The following DERA variants were observed in gnomAD, a reference collection of about 807,000 sequenced individuals.
DERA encodes the protein 2-deoxy-D-ribose 5-phosphate aldolase.
In DERA, 15 loss-of-function variants were observed where a neutral mutation model predicts 41.1. The ratio of observed to expected loss-of-function variants is 0.37; its 90% CI spans 0.24 to 0.56. The LOEUF is 0.56. DERA is among the 20% of genes least tolerant of loss of function. The pLI is 0.81. For synonymous variants in DERA, 139 were observed against 137.4 expected, an observed-to-expected ratio of 1.01 and a Z score of -0.08; for missense variants, 396 against 403.4, an observed-to-expected ratio of 0.98 and a Z score of 0.16.
chr12:15,969,329 G>C lies in DERA; in HGVS notation c.508+6382G>C, dbSNP rs532832921. 3.9e-5 allele frequency among the ~76,000 whole-genome samples: 6 copies of C among 152,230 alleles called. No individual in the cohort carries two copies. In the South Asian group the frequency reaches 1.0e-3, roughly 26 times the overall value. On this transcript the variant is annotated intron_variant, in intron 5 of 8. Transcript: ENST00000428559. ...TACCTAATATATTTACCAGTGACAG[G>C]GAAATGCTATCAGATTGCACCTTGT...
intron 1 of DERA, among the ~76,000 whole-genome samples, chr12:15,951,097 AC>A (rs1948494418): frequency 2.0e-5 from 3 of 152,200 alleles, no homozygotes; most frequent in African/African-American, 7.2e-5. Flanking sequence ...GGTCCTGTGT[AC>A]CTTGAGCATG....
chr12:15,994,476 C>T lies in DERA; in HGVS notation c.637+12040C>T, dbSNP rs543871362. On this transcript the variant is annotated intron_variant, in intron 6 of 8. Coordinates refer to ENST00000428559, the MANE Select transcript of DERA (RefSeq NM_015954.4). This position sits in a 1 kb window ranked among gnomAD's most constrained non-coding sequence, Gnocchi z 4.8. Reference sequence around the variant, plus strand: ...TATTAGAAAATTCTTTTTTTTGAGACGGAGTCTCGTTCTGTCGCCCAGGCT... The same window carrying T: ...TATTAGAAAATTCTTTTTTTTGAGATGGAGTCTCGTTCTGTCGCCCAGGCT... 8.5e-5 allele frequency among the ~76,000 whole-genome samples: 13 copies of T among 152,120 alleles called. No individual in the cohort carries two copies. The highest frequency in any genetic ancestry group is 3.9e-4 in the East Asian group (2 of 5,192).
chr12:15,932,661 A>G (rs1441388885), intron 1 of DERA, among the ~76,000 whole-genome samples: 3 of 152,166 alleles, frequency 2.0e-5, no homozygotes, highest in Non-Finnish European at 4.4e-5. Flanking sequence ...AAGTTTCACT[A>G]TAATTTAAAA....
Position 16,019,747 on chromosome 12 carries a change from G to A in DERA, c.638-12795G>A, listed in dbSNP as rs1029858680. Among the ~76,000 whole-genome samples the A allele has an allele frequency of 5.9e-5, 9 of 152,114 alleles. No homozygotes were observed. The highest frequency in any genetic ancestry group is 2.2e-4 in the African/African-American group (9 of 41,420). ...GCCTTCCCGTATTATTCTAGCTAAA[G>A]TTATTTCTCTGATCCTTTGTAATTC... is the stretch of plus-strand genomic sequence containing the variant. On this transcript the variant is annotated intron_variant, in intron 6 of 8. Transcript: ENST00000428559. The surrounding 1 kb of genome is among the most constrained non-coding windows in gnomAD (Gnocchi z 4.4).
Position 15,967,177 on chromosome 12 carries a change from C to G in DERA, c.508+4230C>G, listed in dbSNP as rs1251432181. 6.6e-6 allele frequency among the ~76,000 whole-genome samples: 1 copy of G among 151,932 alleles called. No individual in the cohort carries two copies. The highest frequency in any genetic ancestry group is 2.4e-5 in the African/African-American group (1 of 41,334). On this transcript the variant is annotated intron_variant, in intron 5 of 8. Transcript: ENST00000428559. The surrounding 1 kb of genome is among the most constrained non-coding windows in gnomAD (Gnocchi z 4.9). ...CCAGTCTGGGCAACATGGCAAAACC[C>G]CATCTCTGCATAAAAAAAAAAAAAT...
At position 16,019,390 on chromosome 12, in the gene DERA, T is replaced by A. The variant is rs1400870888; in HGVS notation, c.638-13152T>A. Among the ~76,000 whole-genome samples, 1 of 152,194 alleles carries A rather than the reference T, an allele frequency of 6.6e-6. No individual in the cohort carries two copies. Among genetic ancestry groups the A allele is most frequent in the Non-Finnish European group, 1.5e-5 (1 of 68,020 alleles). On this transcript the variant is annotated intron_variant, in intron 6 of 8. Coordinates refer to ENST00000428559, the MANE Select transcript of DERA (RefSeq NM_015954.4). The surrounding 1 kb of genome is among the most constrained non-coding windows in gnomAD (Gnocchi z 4.4). Reference sequence around the variant, plus strand: ...CAATACAGACACTAAATTTAGCATCTTAAAACACTGATTTCATGTGATCAG... The same window carrying A: ...CAATACAGACACTAAATTTAGCATCATAAAACACTGATTTCATGTGATCAG...
chr12:15,934,940 T>A (rs1265931333), intron 1 of DERA, among the ~76,000 whole-genome samples: 1 of 152,154 alleles, frequency 6.6e-6, no homozygotes, highest in Non-Finnish European at 1.5e-5. Context: ...GGTTTAAACA[T>A]ATTAAAACAA....
At chr12:15,952,745 A>T (rs1948508008) in intron 1 of DERA, among the ~76,000 whole-genome samples, 1 of 152,218 alleles carries the variant, frequency 6.6e-6, no homozygotes, top group African/African-American at 2.4e-5. Context: ...GGGCTCAGGT[A>T]GGCACAAGTG....
intron 5 of DERA, among the ~76,000 whole-genome samples, chr12:15,969,208 T>C (rs1310137216): frequency 6.6e-6 from 1 of 152,252 alleles, no homozygotes; most frequent in African/African-American, 2.4e-5. Context: ...TAAATCTTAT[T>C]GAGCAGGTTT....
intron 6 of DERA, among the ~76,000 whole-genome samples, chr12:16,024,938 A>G (rs911816721): frequency 3.9e-5 from 6 of 152,146 alleles, no homozygotes; most frequent in African/African-American, 7.2e-5. Context: ...GACACAGGAG[A>G]AAAGAATTGG....
intron 5 of DERA, among the ~76,000 whole-genome samples, chr12:15,980,503 C>A (rs1286154349): frequency 6.6e-6 from 1 of 152,158 alleles, no homozygotes; most frequent in East Asian, 1.9e-4. Flanking sequence ...AAATGTCATT[C>A]CATCCAATTC....
rs1192002206 is a variant in DERA, at chr12:15,959,424, T to G, written c.278-405T>G. ...GTGGTACCACCCTCTAAATTGTACT[T>G]ATATTTGTCTTCATCTGTCCTTCTT... is the stretch of plus-strand genomic sequence containing the variant. On this transcript the variant is annotated intron_variant, in intron 3 of 8. Transcript: ENST00000428559. This position sits in a 1 kb window ranked among gnomAD's most constrained non-coding sequence, Gnocchi z 4.5. Among the ~76,000 whole-genome samples, 1 of 152,242 alleles carries G rather than the reference T, an allele frequency of 6.6e-6. No homozygotes were observed. The highest frequency in any genetic ancestry group is 1.5e-5 in the Non-Finnish European group (1 of 68,032).
At chr12:15,963,483 G>A (rs1008309565) in intron 5 of DERA, among the ~76,000 whole-genome samples, 6 of 152,052 alleles carry the variant, frequency 3.9e-5, no homozygotes, top group Admixed American at 1.3e-4. Flanking sequence ...TCACTATCAC[G>A]TCAGCATACA....
intron 1 of DERA, among the ~76,000 whole-genome samples, chr12:15,925,474 T>C (rs1271367786): frequency 1.3e-5 from 2 of 152,170 alleles, no homozygotes; most frequent in African/African-American, 4.8e-5. Flanking sequence ...GCAGCTTTAC[T>C]CTTTTAAGTG....
intron 1 of DERA, among the ~76,000 whole-genome samples, chr12:15,944,895 T>A (rs918878132): frequency 6.6e-6 from 1 of 152,232 alleles, no homozygotes; most frequent in Non-Finnish European, 1.5e-5. Context: ...CCATCTTGAA[T>A]TAATTTTTGT....
Position 16,026,160 on chromosome 12 carries a change from C to CA in DERA, c.638-6379dup, listed in dbSNP as rs1949051568. Among the ~76,000 whole-genome samples, 1 of 150,606 alleles carries CA rather than the reference C, an allele frequency of 6.6e-6. No homozygotes were observed. Among genetic ancestry groups the CA allele is most frequent in the Admixed American group, 6.6e-5 (1 of 15,174 alleles). On this transcript the variant is annotated intron_variant, in intron 6 of 8. Transcript: ENST00000428559. The surrounding 1 kb of genome is among the most constrained non-coding windows in gnomAD (Gnocchi z 4.4). Reference sequence around the variant, plus strand: ...AAAGAAGAGCAATTTAAGCCTAAAGCAAACAGGAGGAATAGAAATGAGAAC... The same window carrying CA: ...AAAGAAGAGCAATTTAAGCCTAAAGCAAAACAGGAGGAATAGAAATGAGAAC...
Position 15,959,744 on chromosome 12 carries a change from G to A in DERA, c.278-85G>A. On this transcript the variant is annotated intron_variant, in intron 3 of 8. Coordinates refer to ENST00000428559, the MANE Select transcript of DERA (RefSeq NM_015954.4). The surrounding 1 kb of genome is among the most constrained non-coding windows in gnomAD (Gnocchi z 4.5). ...TTTTTTTCTCATTTGATTTTTGCCA[G>A]TGTTGCGATATAAATAATAATTAAA... The A allele has an allele frequency of 1.2e-6, 1 of 860,074 alleles. No individual in the cohort carries two copies. Among genetic ancestry groups the A allele is most frequent in the South Asian group, 1.9e-5 (1 of 51,448 alleles). The allele number at this position is 860,074 out of a possible 1,614,324, so 53.3% of individuals were successfully genotyped here.
chr12:15,960,611 T>G (rs970269155), intron 4 of DERA, among the ~76,000 whole-genome samples: 2 of 117,290 alleles, frequency 1.7e-5, no homozygotes, highest in Non-Finnish European at 3.2e-5. Context: ...CACTCCAGCT[T>G]GGGTGATAGA....
In DERA at chr12:16,014,699, G is replaced by A. The variant is rs1200558556; in HGVS notation, c.638-17843G>A. 2.6e-5 allele frequency among the ~76,000 whole-genome samples: 4 copies of A among 152,226 alleles called. No homozygotes were observed. Among genetic ancestry groups the A allele is most frequent in the Non-Finnish European group, 5.9e-5 (4 of 68,040 alleles). ...GGGGCACTGCCTAGTGGAGCTGTGA[G>A]AAGAGGGCAACCGTCCTCCAGACCC... is the stretch of plus-strand genomic sequence containing the variant. On this transcript the variant is annotated intron_variant, in intron 6 of 8. Transcript: ENST00000428559. This position sits in a 1 kb window ranked among gnomAD's most constrained non-coding sequence, Gnocchi z 5.4.
Sources: gnomAD v4.1 joint callset for allele counts (sites outside exome capture counted in the v4.1 genomes callset) on GRCh38, gnomAD v4.1.1 for gene constraint, Gnocchi (gnomAD v3.1) non-coding constraint, MANE v1.5 for transcripts, NCBI Gene and HGNC (gene_info 2026-07-23, HGNC 2026-07-21) for gene names.